The following PDS5B variants were observed in gnomAD, a reference collection of about 807,000 sequenced individuals.
The protein encoded by PDS5B is PDS5 cohesin associated factor B.
Under a neutral mutation model 184.1 loss-of-function variants are expected in PDS5B, and 51 were observed. That is an observed-to-expected ratio of 0.28 (90% CI 0.22 to 0.35). PDS5B has a LOEUF of 0.35. Ranked by LOEUF, PDS5B falls within the 10% of genes least tolerant of loss-of-function variation. The probability of loss-of-function intolerance (pLI) is 1.00; values close to 1 mark genes in which losing one functional copy is unlikely to be tolerated. For missense variants in PDS5B, 1,180 were observed against 1,723.3 expected (o/e 0.68, Z 5.58); for synonymous variants, 566 against 569.2 (o/e 0.99, Z 0.08).
intron 6 of PDS5B, among the ~76,000 whole-genome samples, chr13:32,666,546 A>G (rs771178061): frequency 1.3e-5 from 2 of 152,166 alleles, no homozygotes; most frequent in African/African-American, 4.8e-5. Flanking sequence ...CAGTGTATAC[A>G]TGTATCAAAA....
At chr13:32,762,253 A>G (rs61527175) in intron 30 of PDS5B, among the ~76,000 whole-genome samples, 1,572 of 152,314 alleles carry the variant, frequency 0.01, 38 homozygotes, top group African/African-American at 0.036. Context: ...GTATAGGGCT[A>G]AACTGCCACT....
chr13:32,754,380 C>T (rs1267671989), intron 25 of PDS5B, among the ~76,000 whole-genome samples: 1 of 152,080 alleles, frequency 6.6e-6, no homozygotes, highest in Non-Finnish European at 1.5e-5. Context: ...CTTTCTGCTC[C>T]CTATTATGAA....
chr13:32,607,463 C>T (rs916482880), intron 1 of PDS5B, among the ~76,000 whole-genome samples: 4 of 152,164 alleles, frequency 2.6e-5, no homozygotes, highest in African/African-American at 4.8e-5. Context: ...AGGTGTCAGT[C>T]GGCCCCTACT....
intron 1 of PDS5B, among the ~76,000 whole-genome samples, chr13:32,599,513 CT>C: frequency 6.6e-6 from 1 of 151,960 alleles, no homozygotes; most frequent in South Asian, 2.1e-4. Context: ...ATCTGCCCGC[CT>C]TGGGCTCCCA....
At chr13:32,746,749 ACAAG>A (rs1953757492) in intron 24 of PDS5B, among the ~76,000 whole-genome samples, 1 of 152,240 alleles carries the variant, frequency 6.6e-6, no homozygotes, top group Non-Finnish European at 1.5e-5. Context: ...GAAAGCTGAA[ACAAG>A]AAGGCACAGT....
intron 20 of PDS5B, among the ~76,000 whole-genome samples, chr13:32,733,272 GTCC>G (rs1440293973): frequency 6.6e-6 from 1 of 152,016 alleles, no homozygotes; most frequent in Non-Finnish European, 1.5e-5. Context: ...AACCTCTGTA[GTCC>G]TCCTCCTATG....
chr13:32,767,240 C>T (rs1388898222), intron 31 of PDS5B, among the ~76,000 whole-genome samples: 1 of 152,004 alleles, frequency 6.6e-6, no homozygotes, highest in Non-Finnish European at 1.5e-5. Flanking sequence ...TAAACTAGTA[C>T]CAGAAGGATA....
At chr13:32,693,891 A>G (rs650852) in intron 13 of PDS5B, among the ~76,000 whole-genome samples, 35,413 of 151,500 alleles carry the variant, frequency 0.23, 4,434 homozygotes, top group South Asian at 0.38. Flanking sequence ...CCATTCTCTC[A>G]TAACTAATTC....
chr13:32,770,800 T>A (rs1954759714), intron 33 of PDS5B, 39 bp downstream of exon 33: 1 of 1,482,704 alleles, frequency 6.7e-7, no homozygotes, highest in African/African-American at 1.4e-5. Flanking sequence ...AATTTCAAAT[T>A]ATTTTGCAAA....
chr13:32,770,126 A>G lies in PDS5B; in HGVS notation c.3630A>G (p.Glu1210=). Reference sequence around the variant, plus strand: ...TGATTTTTTTTTTCCCCTAGTCTGAATTGGAGAAGCCTAGAGGCAGGAAAA... The same window carrying G: ...TGATTTTTTTTTTCCCCTAGTCTGAGTTGGAGAAGCCTAGAGGCAGGAAAA... The part of the protein sequence containing the change: ...KRDDSDLVRS[E]LEKPRGRKKT... Residue 1210 remains glutamate (E), a synonymous_variant, in exon 32 of 35, where the codon GAA becomes GAG. Coordinates refer to ENST00000315596, the MANE Select transcript of PDS5B (RefSeq NM_015032.4). 1.9e-6 allele frequency: 3 copies of G among 1,595,062 alleles called. No homozygotes were observed. The highest frequency in any genetic ancestry group is 2.6e-6 in the Non-Finnish European group (3 of 1,173,876).
intron 31 of PDS5B, among the ~76,000 whole-genome samples, chr13:32,766,708 T>C (rs1954598228): frequency 6.6e-6 from 1 of 152,202 alleles, no homozygotes; most frequent in South Asian, 2.1e-4. Flanking sequence ...TTTTCCTGTC[T>C]TTTGCTTCTA....
In PDS5B at chr13:32,764,485, A is replaced by C; in HGVS notation, c.3519-4A>C. The stretch of plus-strand genomic sequence containing the variant: ...ATAACAATTACAAATGTCTGTATTA[A>C]AAGGCTTGATAGTTCTGAAATGGAT... On this transcript the variant is annotated splice_polypyrimidine_tract_variant and splice_region_variant and intron_variant, in intron 30 of 34. Transcript: ENST00000315596. 6.5e-7 allele frequency: 1 copy of C among 1,550,090 alleles called. No homozygotes were observed. Among genetic ancestry groups the C allele is most frequent in the Non-Finnish European group, 8.8e-7 (1 of 1,135,720 alleles).
intron 10 of PDS5B, among the ~76,000 whole-genome samples, chr13:32,679,148 G>C (rs1384198849): frequency 6.6e-6 from 1 of 150,864 alleles, no homozygotes; most frequent in Admixed American, 6.6e-5. Context: ...TAGAACTCCT[G>C]AACTCAAGCT....
chr13:32,686,973 T>G lies in PDS5B; in HGVS notation c.1204-161T>G, dbSNP rs566580901. Among the ~76,000 whole-genome samples, 8 of 151,478 alleles carry G rather than the reference T, an allele frequency of 5.3e-5. No individual in the cohort carries two copies. The South Asian group carries it at 1.7e-3, about 32-fold the overall frequency. The stretch of plus-strand genomic sequence containing the variant: ...TAGAAATATTTATGTGATAGTTGTG[T>G]TTTTTTTTAATAAATGTAGTAATTA... On this transcript the variant is annotated intron_variant, in intron 11 of 34. Coordinates refer to ENST00000315596, the MANE Select transcript of PDS5B (RefSeq NM_015032.4).
At chr13:32,679,292 T>G (rs1320102366) in intron 10 of PDS5B, among the ~76,000 whole-genome samples, 1 of 152,178 alleles carries the variant, frequency 6.6e-6, no homozygotes, top group East Asian at 1.9e-4. Context: ...TTTAGAATTG[T>G]CCTTAAACTA....
chr13:32,634,822 C>T (rs1302367188), intron 1 of PDS5B, among the ~76,000 whole-genome samples: 2 of 152,114 alleles, frequency 1.3e-5, no homozygotes, highest in African/African-American at 4.8e-5. Context: ...ACCTTGTGAT[C>T]CACCCGCCTC....
intron 19 of PDS5B, among the ~76,000 whole-genome samples, chr13:32,710,604 A>G (rs1314321782): frequency 6.6e-6 from 1 of 152,188 alleles, no homozygotes; most frequent in African/African-American, 2.4e-5. Context: ...TTATCCTGGG[A>G]TAATCATAGT....
intron 21 of PDS5B, among the ~76,000 whole-genome samples, chr13:32,738,633 T>A (rs1423041408): frequency 6.6e-6 from 1 of 152,314 alleles, no homozygotes; most frequent in East Asian, 1.9e-4. Context: ...GTCTTTTCAC[T>A]CCTTTATTGT....
intron 15 of PDS5B, 129 bp from the exon 16 acceptor site, chr13:32,699,601 A>G (rs1414049641): frequency 1.2e-5 from 6 of 485,430 alleles, no homozygotes; most frequent in East Asian, 1.1e-4. Context: ...TTCACAATTT[A>G]TTTTGTTAAA....
Sources: gnomAD v4.1 joint callset for allele counts (sites outside exome capture counted in the v4.1 genomes callset) on GRCh38, gnomAD v4.1.1 for gene constraint, MANE v1.5 for transcripts, NCBI Gene and HGNC (gene_info 2026-07-23, HGNC 2026-07-21) for gene names.